The following AOPEP variants were observed in gnomAD, a reference collection of about 807,000 sequenced individuals.
AOPEP encodes the protein aminopeptidase O.
In AOPEP, 77 loss-of-function variants were observed where a neutral mutation model predicts 98.1. The observed-to-expected ratio is 0.78, with a 90% CI of 0.65 to 0.95. The LOEUF (loss-of-function observed/expected upper bound fraction) is 0.95. Among genes scored for constraint, AOPEP ranks in the 40% least tolerant of loss-of-function variants. AOPEP has a pLI of 0.00. For synonymous variants in AOPEP, 346 were observed against 365.3 expected (o/e 0.95, Z 0.60); for missense variants, 1,024 against 1,024.7 (o/e 1.00, Z 0.01).
At chr9:94,758,861 T>C (rs1018583348) in intron 1 of AOPEP, among the ~76,000 whole-genome samples, 1 of 152,240 alleles carries the variant, frequency 6.6e-6, no homozygotes, top group African/African-American at 2.4e-5. Context: ...TTGTGCATTT[T>C]ATTGTAACAT....
chr9:94,956,480 C>T (rs745317335), intron 9 of AOPEP, among the ~76,000 whole-genome samples: 5 of 152,194 alleles, frequency 3.3e-5, no homozygotes, highest in African/African-American at 4.8e-5. Flanking sequence ...TGTTTCTTTT[C>T]GCTGTCCTCC....
chr9:94,849,074 C>T (rs560272466), intron 5 of AOPEP, among the ~76,000 whole-genome samples: 4 of 152,306 alleles, frequency 2.6e-5, no homozygotes, highest in South Asian at 2.1e-4. Context: ...CCACCACACC[C>T]GGCCAAGTCT....
the AOPEP span, among the ~76,000 whole-genome samples, chr9:95,139,825 TATATATATTTATATATATATATATATAA>T: frequency 6.8e-6 from 1 of 146,272 alleles, no homozygotes; most frequent in East Asian, 2.0e-4. Flanking sequence ...AAAATGAATA[TATATATATTTATATATATATATATATAA>T]ATATATATAT....
chr9:95,046,094 C>G (rs1042039282), intron 13 of AOPEP, among the ~76,000 whole-genome samples: 3 of 152,106 alleles, frequency 2.0e-5, no homozygotes, highest in African/African-American at 4.8e-5. Flanking sequence ...GCCACTGATT[C>G]AACTTCCGAA....
intron 5 of AOPEP, among the ~76,000 whole-genome samples, chr9:94,804,689 C>T (rs1215322663): frequency 6.6e-6 from 1 of 152,126 alleles, no homozygotes; most frequent in African/African-American, 2.4e-5. Flanking sequence ...ATAGTACTTA[C>T]GATGCAAAGC....
intron 13 of AOPEP, among the ~76,000 whole-genome samples, chr9:95,033,319 A>G (rs576818201): frequency 6.6e-6 from 1 of 151,996 alleles, no homozygotes; most frequent in Middle Eastern, 3.4e-3. Context: ...ATGTCTCTCC[A>G]TGCTCCTCTC....
intron 2 of AOPEP, among the ~76,000 whole-genome samples, chr9:94,766,150 T>A (rs1839553697): frequency 6.6e-6 from 1 of 152,258 alleles, no homozygotes; most frequent in Non-Finnish European, 1.5e-5. Context: ...AATAAACTTT[T>A]AAAATGGAAA....
intron 5 of AOPEP, among the ~76,000 whole-genome samples, chr9:94,818,185 G>C (rs1037395735): frequency 2.6e-5 from 4 of 152,190 alleles, no homozygotes; most frequent in African/African-American, 9.7e-5. Flanking sequence ...CTCATCTCCA[G>C]AACTCTTGTG....
chr9:95,062,442 A>G (rs1169385071), intron 14 of AOPEP, among the ~76,000 whole-genome samples: 2 of 151,856 alleles, frequency 1.3e-5, no homozygotes, highest in African/African-American at 2.4e-5. Context: ...CCTCATGGCA[A>G]AGTGCACTGA....
the AOPEP span, among the ~76,000 whole-genome samples, chr9:95,103,621 C>G: frequency 6.6e-6 from 1 of 152,196 alleles, no homozygotes; most frequent in East Asian, 1.9e-4. Flanking sequence ...GGCGAGAGGC[C>G]AGGAGCCAGA....
chr9:95,054,120 G>T (rs2133834459), intron 13 of AOPEP, among the ~76,000 whole-genome samples: 2 of 152,336 alleles, frequency 1.3e-5, no homozygotes, highest in Middle Eastern at 3.4e-3. Flanking sequence ...AATTTCTTTA[G>T]AAATATTCAG....
At chr9:95,091,175 C>T (rs1399835937), downstream of AOPEP, among the ~76,000 whole-genome samples, 1 of 152,214 alleles carries the variant, frequency 6.6e-6, no homozygotes, top group East Asian at 1.9e-4. Context: ...AGTTCTAGAC[C>T]AAGCACGTCC....
the AOPEP span, among the ~76,000 whole-genome samples, chr9:95,126,354 C>T: frequency 1.3e-5 from 2 of 152,204 alleles, no homozygotes. Flanking sequence ...TTTAAATTTA[C>T]ACTGATTTTT....
intron 5 of AOPEP, among the ~76,000 whole-genome samples, chr9:94,816,815 C>T (rs574564168): frequency 3.3e-5 from 5 of 152,178 alleles, no homozygotes; most frequent in African/African-American, 9.6e-5. Context: ...GTTCCCATTT[C>T]GTTCTCCTAA....
chr9:95,029,121 A>G (rs1395626627), intron 13 of AOPEP, among the ~76,000 whole-genome samples: 1 of 152,132 alleles, frequency 6.6e-6, no homozygotes, highest in Admixed American at 6.5e-5. Context: ...ACTCCCTAGG[A>G]TGTGGTCCTC....
intron 13 of AOPEP, among the ~76,000 whole-genome samples, chr9:95,028,542 CT>C (rs2064031585): frequency 6.6e-6 from 1 of 152,190 alleles, no homozygotes; most frequent in Admixed American, 6.5e-5. Context: ...ACTCAGGTTT[CT>C]GGGAATGAGT....
intron 5 of AOPEP, among the ~76,000 whole-genome samples, chr9:94,893,785 A>C (rs997901402): frequency 6.6e-6 from 1 of 152,188 alleles, no homozygotes; most frequent in African/African-American, 2.4e-5. Context: ...AGAAACCAAT[A>C]ATACAGAAAT....
intron 5 of AOPEP, among the ~76,000 whole-genome samples, chr9:94,811,244 T>C (rs1850515967): frequency 1.3e-5 from 2 of 152,194 alleles, no homozygotes; most frequent in Non-Finnish European, 2.9e-5. Context: ...CAGTTTTAAA[T>C]GACTTGTCAA....
chr9:95,103,850 G>A, the AOPEP span, among the ~76,000 whole-genome samples: 1 of 152,242 alleles, frequency 6.6e-6, no homozygotes, highest in African/African-American at 2.4e-5. Context: ...CTTTAGGTCA[G>A]ATGGAGCCAC....
Sources: gnomAD v4.1 joint callset for allele counts (sites outside exome capture counted in the v4.1 genomes callset) on GRCh38, gnomAD v4.1.1 for gene constraint, MANE v1.5 for transcripts, NCBI Gene and HGNC (gene_info 2026-07-23, HGNC 2026-07-21) for gene names.